Variants in POLR3F observed in about 807,000 individuals in gnomAD.
POLR3F encodes DNA-directed RNA polymerase III subunit RPC6.
In POLR3F, 31 loss-of-function variants were observed where a neutral mutation model predicts 43.6. The ratio of observed to expected loss-of-function variants is 0.71; its 90% confidence interval spans 0.53 to 0.96. The LOEUF is 0.96. Ranked by LOEUF, POLR3F falls within the 40% of genes least tolerant of loss-of-function variation. The pLI is 0.00. For missense variants in POLR3F, 316 were observed against 391.7 expected (o/e 0.81, Z 1.63); for synonymous variants, 114 against 132.5 (o/e 0.86, Z 0.96).
chr20:18,474,828 A>G (rs529880345), intron 4 of POLR3F, among the ~76,000 whole-genome samples: 1 of 152,248 alleles, frequency 6.6e-6, no homozygotes, highest in South Asian at 2.1e-4. Flanking sequence ...AGCCCTTTCC[A>G]TAAGTTTTTT....
chr20:18,467,663 G>A (rs192091035), intron 1 of POLR3F, 95 bp downstream of exon 1: 1 of 1,588,746 alleles, frequency 6.3e-7, no homozygotes, highest in East Asian at 2.3e-5. Context: ...AGTGGCCGGA[G>A]CGGGTTAGGT....
At position 18,480,437 on chromosome 20, in the gene POLR3F, GA is replaced by G. The variant is rs745592426; in HGVS notation, c.610del (p.Ile204TyrfsTer25). ...CACGAGAAAGCAAACAGAACCCAATGATACAAAGAAATAGTTCATTTGCCTC... is the reference window on the plus strand; with the variant it reads ...CACGAGAAAGCAAACAGAACCCAATGTACAAAGAAATAGTTCATTTGCCTC... ...TARESKQNPMIQRNSSFASSH... is the reference protein window; with the variant it reads ...TARESKQNPMXQRNSSFASSH... On this transcript the variant is annotated frameshift_variant, in exon 7 of 9. Transcript: ENST00000377603. LOFTEE classifies it high-confidence loss of function. 15 of 1,612,378 alleles carry G rather than the reference GA, an allele frequency of 9.3e-6. No homozygotes were observed.
intron 8 of POLR3F, among the ~76,000 whole-genome samples, chr20:18,482,962 G>T (rs187965010): frequency 2.0e-5 from 3 of 152,216 alleles, no homozygotes; most frequent in Admixed American, 6.5e-5. Flanking sequence ...CTTTTGCCCA[G>T]CAGACAGGTG....
chr20:18,467,665 G>A (rs917212631), intron 1 of POLR3F, 97 bp downstream of exon 1: 2 of 1,581,504 alleles, frequency 1.3e-6, no homozygotes, highest in East Asian at 2.3e-5. Flanking sequence ...TGGCCGGAGC[G>A]GGTTAGGTGA....
rs536754225 is a variant in POLR3F, at chr20:18,478,781, C to T, written c.430-1257C>T. On this transcript the variant is annotated intron_variant, in intron 5 of 8. Transcript: ENST00000377603. ...AGAAGGCCTAGAAGTGATGACATCCCGATGGCAATGAACACATCTAGTGCC... is the reference window on the plus strand; with the variant it reads ...AGAAGGCCTAGAAGTGATGACATCCTGATGGCAATGAACACATCTAGTGCC... Among the ~76,000 whole-genome samples the T allele has an allele frequency of 1.8e-4, 28 of 152,160 alleles. No individual in the cohort carries two copies. In the South Asian group the frequency reaches 2.7e-3, roughly 15 times the overall value.
chr20:18,475,093 T>C lies in POLR3F; in HGVS notation c.335T>C (p.Ile112Thr), dbSNP rs1301146645. 2.1e-6 allele frequency: 3 copies of C among 1,436,064 alleles called. No homozygotes were observed. The highest frequency in any genetic ancestry group is 2.3e-5 in the South Asian group (2 of 86,294). The allele number at this position is 1,436,064 out of a possible 1,614,324, so 89.0% of individuals were successfully genotyped here. Residue 112 changes from isoleucine (I) to threonine (T), a missense_variant, in exon 5 of 9, where the codon ATC (isoleucine) becomes ACC (threonine). Coordinates refer to ENST00000377603, the MANE Select transcript of POLR3F (RefSeq NM_006466.4). ...CTTATAGGAATATGGAGCAGAGATA[T>C]CCGCTATAAAAGTAATTTGCCATTA... The part of the protein sequence containing the change: ...AGNKGIWSRD[I>T]RYKSNLPLTE...
chr20:18,483,505 G>A lies in POLR3F; in HGVS notation c.898G>A (p.Gly300Ser). The change falls in exon 9 of 9, where the codon GGT (glycine) becomes AGT (serine). Residue 300 changes from glycine (G) to serine (S), a missense_variant. Around this residue, in one of 3 missense-constraint regions of POLR3F, gnomAD observed 85 missense variants for 80.2 expected, o/e 1.06. Coordinates refer to ENST00000377603, the MANE Select transcript of POLR3F (RefSeq NM_006466.4). ...GGTTTTTGATGACTGCCACGAAGGT[G>A]GTGAGATTTCACCATCTAACTGTAT... ...CPVFDDCHEG[G>S]EISPSNCIYM... is the part of the protein sequence containing the mutation. 6.5e-7 allele frequency: 1 copy of A among 1,534,474 alleles called. No individual in the cohort carries two copies. Among genetic ancestry groups the A allele is most frequent in the South Asian group, 1.2e-5 (1 of 82,216 alleles).
intron 1 of POLR3F, 41 bp downstream of exon 1, chr20:18,467,609 CCAGT>C (rs1203124330): frequency 6.2e-7 from 1 of 1,613,984 alleles, no homozygotes. Flanking sequence ...CATCAGGCGC[CCAGT>C]CATTTGGGCA....
At position 18,467,438 on chromosome 20, in the gene POLR3F, CG is replaced by C. The variant is rs2059695177; in HGVS notation, c.-66del. 7 of 1,568,798 alleles carry C rather than the reference CG, an allele frequency of 4.5e-6. No individual in the cohort carries two copies. Among genetic ancestry groups the C allele is most frequent in the Non-Finnish European group, 6.1e-6 (7 of 1,139,214 alleles). On this transcript the variant is annotated 5_prime_UTR_variant, in exon 1 of 9. Transcript: ENST00000377603. Reference sequence around the variant, plus strand: ...AGAGCGCTATCCTCCACTGGTTCCCCGGGTTCCCCGGCTTGCTACCGGGCTG... The same window carrying C: ...AGAGCGCTATCCTCCACTGGTTCCCCGGTTCCCCGGCTTGCTACCGGGCTG...
chr20:18,467,750 G>A (rs1346402877), intron 1 of POLR3F, 182 bp downstream of exon 1: 3 of 1,308,286 alleles, frequency 2.3e-6, no homozygotes, highest in Non-Finnish European at 3.1e-6. Flanking sequence ...AACTCAAGAA[G>A]TTCAAAATGG....
rs2059807230 is a variant in POLR3F at position 18,481,160 on chromosome 20, T to A, written c.682-459T>A. 2.0e-5 allele frequency among the ~76,000 whole-genome samples: 3 copies of A among 152,228 alleles called. No individual in the cohort carries two copies. The South Asian group carries it at 6.2e-4, about 32-fold the overall frequency. On this transcript the variant is annotated intron_variant, in intron 7 of 8. Coordinates refer to ENST00000377603, the MANE Select transcript of POLR3F (RefSeq NM_006466.4). ...AGTGGTTTGTGCTAACTTGGCCTAT[T>A]GTTCCTCCTCTTTGTGCTTTAAATT...
At chr20:18,467,700 G>T in intron 1 of POLR3F, 132 bp downstream of exon 1, 3 of 1,515,170 alleles carry the variant, frequency 2.0e-6, no homozygotes, top group Non-Finnish European at 1.8e-6. Flanking sequence ...CGATTGCGGG[G>T]TTCTGGACCC....
At position 18,475,160 on chromosome 20, in the gene POLR3F, G is replaced by C. The variant is rs2059773417; in HGVS notation, c.402G>C (p.Lys134Asn). 3 of 1,485,034 alleles carry C rather than the reference G, an allele frequency of 2.0e-6. No individual in the cohort carries two copies. In the African/African-American group the frequency reaches 4.1e-5, roughly 21 times the overall value. The allele number at this position is 1,485,034 out of a possible 1,614,324, so 92.0% of individuals were successfully genotyped here. ...NKILKNLESK[K>N]LIKAVKSVAA... ...TTCTGAAGAATCTGGAAAGTAAAAA[G>C]CTTATCAAAGCTGTTAAGTCTGTAG... Residue 134 changes from lysine (K) to asparagine (N), a missense_variant, in exon 5 of 9, where the codon AAG (lysine) becomes AAC (asparagine). This residue lies in a region of POLR3F where 109 missense variants were observed against 177.7 expected (regional missense o/e 0.61). Coordinates refer to ENST00000377603, the MANE Select transcript of POLR3F (RefSeq NM_006466.4).
At chr20:18,477,383 T>A (rs144883653) in intron 5 of POLR3F, among the ~76,000 whole-genome samples, 17 of 152,348 alleles carry the variant, frequency 1.1e-4, no homozygotes, top group South Asian at 8.3e-4. Context: ...GTTAAAAAAC[T>A]GGGCAGTTTT....
intron 6 of POLR3F, 22 bp downstream of exon 6, chr20:18,480,203 A>C: frequency 6.3e-7 from 1 of 1,593,272 alleles, no homozygotes; most frequent in Non-Finnish European, 8.6e-7. Context: ...TTGAGGAAAC[A>C]TCACTGCAAA....
intron 4 of POLR3F, among the ~76,000 whole-genome samples, chr20:18,474,669 C>G (rs2059770875): frequency 6.6e-6 from 1 of 151,980 alleles, no homozygotes; most frequent in Non-Finnish European, 1.5e-5. Flanking sequence ...CAGGTGCATG[C>G]CATCAGGCCC....
At position 18,480,104 on chromosome 20, in the gene POLR3F, T is replaced by TG. The variant is rs2059802302; in HGVS notation, c.498dup (p.Tyr167ValfsTer3). ...AGACCGGTCTGTGACTGGTGGAGCC[T>TG]GGTACAGTGACCAGGATTTTGAATC... On this transcript the variant is annotated frameshift_variant, in exon 6 of 9. Transcript: ENST00000377603. LOFTEE classifies it high-confidence loss of function. 1.2e-6 allele frequency: 2 copies of TG among 1,611,520 alleles called. No homozygotes were observed. Among genetic ancestry groups the TG allele is most frequent in the Non-Finnish European group, 1.7e-6 (2 of 1,177,738 alleles).
chr20:18,468,846 A>G (rs1305130329), intron 1 of POLR3F, 98 bp from the exon 2 acceptor site: 6 of 690,056 alleles, frequency 8.7e-6, no homozygotes, highest in Non-Finnish European at 1.6e-5. Context: ...CCAAATGTGA[A>G]AAAGGCACAG....
chr20:18,482,479 T>C (rs1306275276), intron 8 of POLR3F, among the ~76,000 whole-genome samples: 1 of 152,184 alleles, frequency 6.6e-6, no homozygotes, highest in African/African-American at 2.4e-5. Flanking sequence ...TTAATCCTCC[T>C]TACATTCTTG....
Sources: gnomAD v4.1 joint callset for allele counts (sites outside exome capture counted in the v4.1 genomes callset) on GRCh38, gnomAD v4.1.1 for gene constraint, gnomAD v4.1.1 regional missense constraint, MANE v1.5 for transcripts, NCBI Gene and HGNC (gene_info 2026-07-23, HGNC 2026-07-21) for gene names.